Variants in MYO16 observed in about 807,000 individuals in gnomAD.
MYO16 encodes myosin XVI.
A neutral mutation model predicts 205.3 loss-of-function variants in MYO16; 94 were observed. That is an observed-to-expected ratio of 0.46 (90% CI 0.39 to 0.54). The LOEUF is 0.54. Among genes scored for constraint, MYO16 ranks in the 20% least tolerant of loss-of-function variants. The probability of loss-of-function intolerance (pLI) is 0.00; values close to 1 mark genes in which losing one functional copy is unlikely to be tolerated. For synonymous variants in MYO16, 988 were observed against 954.0 expected (o/e 1.04, Z -0.66); for missense variants, 2,315 against 2,387.5 (o/e 0.97, Z 0.63).
chr13:108,815,440 T>A (rs1875519823), intron 7 of MYO16, among the ~76,000 whole-genome samples: 1 of 151,756 alleles, frequency 6.6e-6, no homozygotes, highest in Non-Finnish European at 1.5e-5. Context: ...ACAGAGGGAG[T>A]GTGACTGTGG....
At chr13:108,957,564 G>A (rs572025775) in intron 16 of MYO16, 124 bp from the exon 17 acceptor site, 13 of 623,834 alleles carry the variant, frequency 2.1e-5, no homozygotes, top group African/African-American at 1.1e-4. Context: ...TTGAAAACAC[G>A]TGGGGACACC....
the MYO16 span, among the ~76,000 whole-genome samples, chr13:108,505,960 T>C: frequency 6.6e-6 from 1 of 152,148 alleles, no homozygotes. Flanking sequence ...TTGTTGAGGA[T>C]CATTTAACTT....
chr13:108,912,361 C>T (rs1881305713), intron 16 of MYO16, among the ~76,000 whole-genome samples: 1 of 152,030 alleles, frequency 6.6e-6, no homozygotes, highest in Non-Finnish European at 1.5e-5. Context: ...GTTTTATTTA[C>T]AAAGAAAGAC....
intron 27 of MYO16, among the ~76,000 whole-genome samples, chr13:109,066,985 C>G (rs781409607): frequency 6.6e-6 from 1 of 152,334 alleles, no homozygotes; most frequent in South Asian, 2.1e-4. Context: ...ACAGCATCCA[C>G]TCATTCGTTC....
intron 27 of MYO16, among the ~76,000 whole-genome samples, chr13:109,077,909 T>C (rs544646017): frequency 6.6e-6 from 1 of 152,140 alleles, no homozygotes; most frequent in Non-Finnish European, 1.5e-5. Context: ...TAATTTCCTG[T>C]GTATTAGGTA....
chr13:108,745,437 C>A (rs749089326), intron 4 of MYO16, among the ~76,000 whole-genome samples: 15 of 152,008 alleles, frequency 9.9e-5, no homozygotes, highest in Admixed American at 2.6e-4. Flanking sequence ...AGGATTTTAT[C>A]CATAAAACAG....
intron 2 of MYO16, among the ~76,000 whole-genome samples, chr13:108,695,821 G>A (rs1225758024): frequency 6.6e-6 from 1 of 152,124 alleles, no homozygotes; most frequent in Non-Finnish European, 1.5e-5. Flanking sequence ...AACCACCACT[G>A]AGGAAACAAA....
intron 12 of MYO16, among the ~76,000 whole-genome samples, chr13:108,867,516 G>A (rs151039145): frequency 1.0e-3 from 158 of 152,234 alleles, no homozygotes; most frequent in African/African-American, 3.4e-3. Flanking sequence ...AGCATGAGAC[G>A]CTAGGGCAAG....
chr13:108,645,949 G>A (rs1243802302), intron 1 of MYO16, among the ~76,000 whole-genome samples: 1 of 152,116 alleles, frequency 6.6e-6, no homozygotes, highest in Non-Finnish European at 1.5e-5. Context: ...AGGAAGGTGG[G>A]GACTCAAGAG....
At chr13:108,872,410 GT>G (rs1264042087) in intron 12 of MYO16, among the ~76,000 whole-genome samples, 1 of 151,920 alleles carries the variant, frequency 6.6e-6, no homozygotes, top group Non-Finnish European at 1.5e-5. Context: ...TGGTATGTTT[GT>G]TTTTAAAGTA....
At chr13:108,849,065 G>A (rs1285667223) in intron 10 of MYO16, among the ~76,000 whole-genome samples, 1 of 152,188 alleles carries the variant, frequency 6.6e-6, no homozygotes, top group East Asian at 1.9e-4. Flanking sequence ...AACTACACAC[G>A]ACTGTCCAGG....
intron 32 of MYO16, among the ~76,000 whole-genome samples, chr13:109,157,657 G>C (rs1198306912): frequency 6.6e-6 from 1 of 152,152 alleles, no homozygotes; most frequent in East Asian, 1.9e-4. Flanking sequence ...CCTTAGAGCT[G>C]AGTCACCACA....
chr13:109,059,546 C>A (rs528654534), intron 27 of MYO16, among the ~76,000 whole-genome samples: 3 of 152,090 alleles, frequency 2.0e-5, no homozygotes, highest in Admixed American at 2.0e-4. Flanking sequence ...TGTTTGTTGG[C>A]CGCATAAATG....
intron 27 of MYO16, among the ~76,000 whole-genome samples, chr13:109,061,665 A>T (rs1241063622): frequency 6.6e-6 from 1 of 152,186 alleles, no homozygotes; most frequent in South Asian, 2.1e-4. Flanking sequence ...CACAGCAATG[A>T]TTGCTGACCA....
At chr13:108,776,470 C>T (rs1292411468) in intron 4 of MYO16, among the ~76,000 whole-genome samples, 3 of 152,148 alleles carry the variant, frequency 2.0e-5, no homozygotes, top group Non-Finnish European at 4.4e-5. Context: ...TGGCGGATGG[C>T]GGCTCAAGCT....
intron 34 of MYO16, among the ~76,000 whole-genome samples, chr13:109,202,618 T>C (rs990789730): frequency 6.6e-6 from 1 of 152,234 alleles, no homozygotes; most frequent in East Asian, 1.9e-4. Flanking sequence ...ATTGTGAAAA[T>C]GACCATACTG....
chr13:108,720,092 C>T (rs572079118), intron 3 of MYO16, among the ~76,000 whole-genome samples: 1 of 152,290 alleles, frequency 6.6e-6, no homozygotes, highest in South Asian at 2.1e-4. Flanking sequence ...TATGATTCAA[C>T]TCACAGCATT....
intron 4 of MYO16, among the ~76,000 whole-genome samples, chr13:108,766,754 G>A (rs561560505): frequency 9.9e-5 from 15 of 152,268 alleles, no homozygotes; most frequent in African/African-American, 3.1e-4. Flanking sequence ...AAGACTCATA[G>A]GTTTGCTTGT....
intron 22 of MYO16, among the ~76,000 whole-genome samples, chr13:109,018,967 T>C (rs376305532): frequency 0.012 from 1,785 of 150,472 alleles, 42 homozygotes; most frequent in African/African-American, 0.042. Context: ...ACTCTGTTTT[T>C]TTTTTTGTTT....
Sources: allele counts gnomAD v4.1 joint callset (sites outside exome capture counted in the v4.1 genomes callset), GRCh38; gene constraint gnomAD v4.1.1; transcripts MANE v1.5; gene names NCBI Gene and HGNC (gene_info 2026-07-23, HGNC 2026-07-21).